JAZF1: variants seen among roughly 807,000 people sequenced by gnomAD.
JAZF1 encodes juxtaposed with another zinc finger protein 1.
In JAZF1, 8 loss-of-function variants were observed where a neutral mutation model predicts 26.4. The observed-to-expected ratio is 0.30, with a 90% confidence interval of 0.18 to 0.55. The LOEUF (loss-of-function observed/expected upper bound fraction) is 0.55, where lower values mean the gene tolerates loss of function less well. Ranked by LOEUF, JAZF1 falls within the 20% of genes least tolerant of loss-of-function variation. The pLI is 0.94. For missense variants in JAZF1, 199 were observed against 322.0 expected (o/e 0.62, Z 2.92); for synonymous variants, 126 against 122.3 (o/e 1.03, Z -0.20).
chr7:28,056,153 G>A (rs1225433974), intron 1 of JAZF1, among the ~76,000 whole-genome samples: 1 of 151,290 alleles, frequency 6.6e-6, no homozygotes, highest in Non-Finnish European at 1.5e-5. Flanking sequence ...CTGAAGAGTA[G>A]ATAATAATAA....
intron 1 of JAZF1, among the ~76,000 whole-genome samples, chr7:28,073,775 C>T (rs1784011742): frequency 6.6e-6 from 1 of 152,116 alleles, no homozygotes; most frequent in South Asian, 2.1e-4. Context: ...GCAGAAGTCC[C>T]TGGATGTGTG....
chr7:27,925,664 G>T (rs908455584), intron 2 of JAZF1, among the ~76,000 whole-genome samples: 11 of 152,220 alleles, frequency 7.2e-5, no homozygotes, highest in African/African-American at 2.4e-4. Flanking sequence ...CAGCGTCAAG[G>T]GATCCTCTCG....
chr7:28,155,767 G>C (rs1375807278), intron 1 of JAZF1, among the ~76,000 whole-genome samples: 4 of 152,228 alleles, frequency 2.6e-5, no homozygotes, highest in Non-Finnish European at 4.4e-5. Context: ...AGCACAGAAT[G>C]TATGTGTGTG....
rs545820899 is a variant in JAZF1 at position 27,840,485 on chromosome 7, G to A, written c.555+213C>T. ...CCAGGCTCCCACGTAGGTGAGCAGA[G>A]GGGAAAGCCCCGGCAGCAGCGGTGG... is the stretch of plus-strand genomic sequence containing the variant. On this transcript the variant is annotated intron_variant, in intron 4 of 4. Transcript: ENST00000283928. This position sits in a 1 kb window ranked among gnomAD's most constrained non-coding sequence, Gnocchi z 5.1. Among the ~76,000 whole-genome samples the A allele has an allele frequency of 5.3e-4, 81 of 152,300 alleles. No individual in the cohort carries two copies. The highest frequency in any genetic ancestry group is 1.9e-3 in the African/African-American group (81 of 41,540).
chr7:28,061,559 A>G (rs1442216041), intron 1 of JAZF1, among the ~76,000 whole-genome samples: 6 of 152,208 alleles, frequency 3.9e-5, no homozygotes, highest in Non-Finnish European at 7.3e-5. Context: ...ATGATGCCTA[A>G]TGGAGGGATT....
At chr7:28,110,701 T>A (rs1784648279) in intron 1 of JAZF1, among the ~76,000 whole-genome samples, 1 of 151,828 alleles carries the variant, frequency 6.6e-6, no homozygotes, top group Non-Finnish European at 1.5e-5. Context: ...AAATCCAGGA[T>A]TCTCAGGCTG....
chr7:28,042,662 C>G (rs1474578498), intron 1 of JAZF1, among the ~76,000 whole-genome samples: 1 of 152,146 alleles, frequency 6.6e-6, no homozygotes, highest in Non-Finnish European at 1.5e-5. Context: ...AATGATGGAA[C>G]ACTTACGTGA....
intron 1 of JAZF1, among the ~76,000 whole-genome samples, chr7:28,058,476 A>G (rs1783750592): frequency 6.6e-6 from 1 of 152,100 alleles, no homozygotes; most frequent in Non-Finnish European, 1.5e-5. Context: ...TCTACCCCCC[A>G]GTCTCCTACA....
At chr7:28,000,301 T>C (rs1319224848) in intron 1 of JAZF1, among the ~76,000 whole-genome samples, 1 of 152,142 alleles carries the variant, frequency 6.6e-6, no homozygotes. Context: ...GGTTCCAGTA[T>C]AGTATCTAGG....
At chr7:28,106,431 T>A (rs959617511) in intron 1 of JAZF1, among the ~76,000 whole-genome samples, 1 of 152,154 alleles carries the variant, frequency 6.6e-6, no homozygotes, top group African/African-American at 2.4e-5. Context: ...TTTCAATAAA[T>A]AGAACTCAAG....
chr7:27,867,563 T>C (rs1369066595), intron 3 of JAZF1, among the ~76,000 whole-genome samples: 1 of 152,252 alleles, frequency 6.6e-6, no homozygotes, highest in African/African-American at 2.4e-5. Flanking sequence ...GCAGTGTCGC[T>C]TTTACATATT....
At chr7:27,959,466 C>G (rs1785153435) in intron 2 of JAZF1, among the ~76,000 whole-genome samples, 1 of 152,202 alleles carries the variant, frequency 6.6e-6, no homozygotes, top group Non-Finnish European at 1.5e-5. Context: ...ATACTTTACA[C>G]TGCTATTTAA....
intron 1 of JAZF1, among the ~76,000 whole-genome samples, chr7:28,052,820 T>C (rs1583532602): frequency 1.0e-5 from 1 of 97,746 alleles, no homozygotes; most frequent in African/African-American, 4.1e-5. Context: ...GGATACTGGC[T>C]TTTTTTTTTT....
At chr7:28,007,364 T>A (rs1334359715) in intron 1 of JAZF1, among the ~76,000 whole-genome samples, 1 of 151,588 alleles carries the variant, frequency 6.6e-6, no homozygotes, top group African/African-American at 2.4e-5. Flanking sequence ...AGGTAGGGAG[T>A]TCGAGATCAA....
chr7:27,912,484 G>A (rs996779088), intron 2 of JAZF1, among the ~76,000 whole-genome samples: 3 of 152,102 alleles, frequency 2.0e-5, no homozygotes, highest in Non-Finnish European at 2.9e-5. Context: ...CCTATCGAAC[G>A]ATAGGAGTCC....
chr7:28,006,189 G>A (rs1782697030), intron 1 of JAZF1, among the ~76,000 whole-genome samples: 1 of 152,038 alleles, frequency 6.6e-6, no homozygotes, highest in African/African-American at 2.4e-5. Context: ...CCCCAACTTG[G>A]TGAAACCCCA....
At chr7:28,147,869 C>A (rs982335643) in intron 1 of JAZF1, among the ~76,000 whole-genome samples, 52 of 151,700 alleles carry the variant, frequency 3.4e-4, no homozygotes, top group Non-Finnish European at 3.1e-4. Flanking sequence ...CTGATTGCAC[C>A]ACTACACCCC....
intron 2 of JAZF1, among the ~76,000 whole-genome samples, chr7:27,951,151 T>A (rs1457562564): frequency 6.6e-6 from 1 of 152,156 alleles, no homozygotes; most frequent in South Asian, 2.1e-4. Flanking sequence ...TGGCCCATAG[T>A]AAGGACTCAA....
intron 1 of JAZF1, among the ~76,000 whole-genome samples, chr7:28,142,727 A>G (rs860263): frequency 0.78 from 118,544 of 152,132 alleles, 46,843 homozygotes; most frequent in East Asian, 0.98. Context: ...TAGCCCATGC[A>G]GCCCTTTCGT....
Sources: allele counts gnomAD v4.1 joint callset (sites outside exome capture counted in the v4.1 genomes callset), GRCh38; gene constraint gnomAD v4.1.1; non-coding constraint Gnocchi (gnomAD v3.1); transcripts MANE v1.5; gene names NCBI Gene and HGNC (gene_info 2026-07-23, HGNC 2026-07-21).